PRAMEF4: variants seen among roughly 807,000 people sequenced by gnomAD.
PRAMEF4 encodes the protein PRAME family member 4.
Under a neutral mutation model 34.4 loss-of-function variants are expected in PRAMEF4, and 18 were observed. That is an observed-to-expected ratio of 0.52 (90% CI 0.36 to 0.78). The LOEUF (loss-of-function observed/expected upper bound fraction) is 0.78. Ranked by LOEUF, PRAMEF4 falls within the 30% of genes least tolerant of loss-of-function variation. PRAMEF4 has a pLI of 0.00. For missense variants in PRAMEF4, 482 were observed against 569.1 expected, an observed-to-expected ratio of 0.85 and a Z score of 1.56; for synonymous variants, 156 against 219.3, an observed-to-expected ratio of 0.71 and a Z score of 2.55.
Position 12,883,100 on chromosome 1 carries a change from ACCTGGGACGAACC to A in PRAMEF4, c.282_293+1del. On this transcript the variant is annotated splice_donor_variant and coding_sequence_variant, in exon 2 of 4. Transcript: ENST00000235349. LOFTEE classifies it high-confidence loss of function. The stretch of plus-strand genomic sequence containing the variant: ...CCCACCAGCCCACCTGGGCCACCTC[ACCTGGGACGAACC>A]CCTAGGTTAAGCAGTGCATCCAGCC... 6.2e-7 allele frequency: 1 copy of A among 1,600,390 alleles called. No homozygotes were observed. The highest frequency in any genetic ancestry group is 8.5e-7 in the Non-Finnish European group (1 of 1,173,952).
chr1:12,883,440 A>C, intron 1 of PRAMEF4, 30 bp from the exon 2 acceptor site: 2 of 1,600,576 alleles, frequency 1.2e-6, no homozygotes, highest in Non-Finnish European at 1.7e-6. Context: ...GAGAAAAGGC[A>C]TCTCTCTCGG....
intron 1 of PRAMEF4, among the ~76,000 whole-genome samples, chr1:12,885,044 A>G (rs1329746970): frequency 6.6e-6 from 1 of 150,768 alleles, no homozygotes; most frequent in South Asian, 2.1e-4. Context: ...TTTCAGAGTT[A>G]AAACAGTTTT....
Position 12,882,505 on chromosome 1 carries a change from T to G in PRAMEF4, c.294-70A>C, listed in dbSNP as rs3926745. On this transcript the variant is annotated intron_variant, in intron 2 of 3. Transcript: ENST00000235349. ...CTGAACTTAAACTCCACATCCTGGATAGCAGCTCCTCCCCTCCCTGCTTCT... is the reference window on the plus strand; with the variant it reads ...CTGAACTTAAACTCCACATCCTGGAGAGCAGCTCCTCCCCTCCCTGCTTCT... 1,731 of 1,554,196 alleles carry G rather than the reference T, an allele frequency of 1.1e-3. 40 individuals are homozygous for G. Among genetic ancestry groups the G allele is most frequent in the African/African-American group, 4.0e-3 (289 of 72,266 alleles).
chr1:12,881,905 A>G lies in PRAMEF4; in HGVS notation c.824T>C (p.Leu275Pro). ...QFLKLRCLQK[L>P]YMNSVSFLEG... ...GAGGAAAGAAACAGAGTTCATATAAAGCTTTTGGAGGCAGCGCAGCTTGAG... is the reference window on the plus strand; with the variant it reads ...GAGGAAAGAAACAGAGTTCATATAAGGCTTTTGGAGGCAGCGCAGCTTGAG... Residue 275 changes from leucine to proline, a missense_variant, in exon 3 of 4, where the codon CTT (leucine) becomes CCT (proline). Physicochemically the swap from Leu to Pro is moderately conservative, Grantham distance 98. Coordinates refer to ENST00000235349, the MANE Select transcript of PRAMEF4 (RefSeq NM_001009611.4). 1 of 1,574,164 alleles carries G rather than the reference A, an allele frequency of 6.4e-7. No homozygotes were observed. The highest frequency in any genetic ancestry group is 8.6e-7 in the Non-Finnish European group (1 of 1,162,804).
intron 1 of PRAMEF4, among the ~76,000 whole-genome samples, chr1:12,885,545 C>T: frequency 6.8e-6 from 1 of 148,028 alleles, no homozygotes; most frequent in Non-Finnish European, 1.5e-5. Context: ...CTTTGGGAGG[C>T]CAAGGCAGGT....
rs561288897 is a variant in PRAMEF4 at position 12,885,328 on chromosome 1, T to A, written c.-17+819A>T. 2.3e-4 allele frequency among the ~76,000 whole-genome samples: 34 copies of A among 150,112 alleles called. No individual in the cohort carries two copies. The East Asian group carries it at 6.6e-3, about 29-fold the overall frequency. On this transcript the variant is annotated intron_variant, in intron 1 of 3. Coordinates refer to ENST00000235349, the MANE Select transcript of PRAMEF4 (RefSeq NM_001009611.4). ...TGGGTGGAAGAGGATGTGATTGGTT[T>A]AAAATTAAGGTCAAAGATCCTTTTT...
chr1:12,882,006 G>C lies in PRAMEF4; in HGVS notation c.723C>G (p.Leu241=), dbSNP rs571573206. 7 of 1,591,042 alleles carry C rather than the reference G, an allele frequency of 4.4e-6. 1 individual carries two copies. The South Asian group carries it at 4.4e-5, about 10-fold the overall frequency. The change falls in exon 3 of 4, where the codon CTC becomes CTG. Residue 241 remains leucine, a synonymous_variant. Coordinates refer to ENST00000235349, the MANE Select transcript of PRAMEF4 (RefSeq NM_001009611.4). ...CGTAGCGAGAGACATCCATGTGGGAGAGAATGAGTTTCTGAAGATTCCTCA... is the reference window on the plus strand; with the variant it reads ...CGTAGCGAGAGACATCCATGTGGGACAGAATGAGTTTCTGAAGATTCCTCA... ...GHMRNLQKLI[L]SHMDVSRYVS...
At chr1:12,880,561 G>A (rs1487499391) in intron 3 of PRAMEF4, among the ~76,000 whole-genome samples, 3 of 149,098 alleles carry the variant, frequency 2.0e-5, no homozygotes, top group Non-Finnish European at 4.4e-5. Context: ...GGGTGACAGA[G>A]AGAGACTCTG....
In PRAMEF4 at chr1:12,882,419, C is replaced by G. The variant is rs773359260; in HGVS notation, c.310G>C (p.Val104Leu). The G allele has an allele frequency of 4.4e-6, 7 of 1,587,548 alleles. No homozygotes were observed. The highest frequency in any genetic ancestry group is 4.2e-5 in the African/African-American group (3 of 72,168). The change falls in exon 3 of 4, where the codon GTG (valine) becomes CTG (leucine). Residue 104 changes from valine (V) to leucine (L), a missense_variant. Coordinates refer to ENST00000235349, the MANE Select transcript of PRAMEF4 (RefSeq NM_001009611.4). Reference protein sequence around the residue: ...GVRPRRWKLQVLDLQDVCENF... With the variant: ...GVRPRRWKLQLLDLQDVCENF... ...TCACAGACATCCTGTAAATCCAGCACTTGAAGTTTCCACCTCCTGTGGGAA... is the reference window on the plus strand; with the variant it reads ...TCACAGACATCCTGTAAATCCAGCAGTTGAAGTTTCCACCTCCTGTGGGAA...
At chr1:12,886,045 G>A (rs1185800184) in intron 1 of PRAMEF4, 102 bp downstream of exon 1, 1 of 82,384 alleles carries the variant, frequency 1.2e-5, no homozygotes, top group African/African-American at 5.6e-5. Flanking sequence ...AAAAAAAAAG[G>A]ACAGGATATA....
chr1:12,881,141 G>A (rs1196312373), intron 3 of PRAMEF4, among the ~76,000 whole-genome samples: 1 of 148,128 alleles, frequency 6.8e-6, no homozygotes, highest in Non-Finnish European at 1.5e-5. Flanking sequence ...CATGGTGGGT[G>A]GATCACCTGA....
At chr1:12,884,266 C>A (rs558081442) in intron 1 of PRAMEF4, among the ~76,000 whole-genome samples, 1 of 148,848 alleles carries the variant, frequency 6.7e-6, no homozygotes, top group East Asian at 2.0e-4. Context: ...ATCTACCCCT[C>A]TTGGCCTCCC....
rs1359494433 is a variant in PRAMEF4 at position 12,881,497 on chromosome 1, A to C, written c.875+357T>G. Among the ~76,000 whole-genome samples the C allele has an allele frequency of 1.6e-4, 24 of 147,860 alleles. 1 individual carries two copies. The highest frequency in any genetic ancestry group is 8.7e-4 in the South Asian group (4 of 4,606). On this transcript the variant is annotated intron_variant, in intron 3 of 3. Coordinates refer to ENST00000235349, the MANE Select transcript of PRAMEF4 (RefSeq NM_001009611.4). ...CCTCTTGCCTCAGACTCCCAAAGTGATAGGATTACAGGCATGAGCCACCGC... is the reference window on the plus strand; with the variant it reads ...CCTCTTGCCTCAGACTCCCAAAGTGCTAGGATTACAGGCATGAGCCACCGC...
At chr1:12,883,671 T>C (rs1195393922) in intron 1 of PRAMEF4, among the ~76,000 whole-genome samples, 3 of 147,538 alleles carry the variant, frequency 2.0e-5, no homozygotes, top group Non-Finnish European at 3.0e-5. Flanking sequence ...GACTAGTGAG[T>C]GTGGAGGAAC....
intron 1 of PRAMEF4, among the ~76,000 whole-genome samples, chr1:12,885,165 C>A (rs1457364018): frequency 6.6e-6 from 1 of 150,452 alleles, no homozygotes; most frequent in Non-Finnish European, 1.5e-5. Context: ...AGTCTCACTT[C>A]GTCGCCCAGG....
chr1:12,884,526 C>T (rs1640957737), intron 1 of PRAMEF4, among the ~76,000 whole-genome samples: 1 of 147,562 alleles, frequency 6.8e-6, no homozygotes, highest in African/African-American at 2.5e-5. Context: ...ACGAGCCTGG[C>T]CAACATGGTA....
chr1:12,885,948 C>A (rs1292144324), intron 1 of PRAMEF4, among the ~76,000 whole-genome samples, 199 bp downstream of exon 1: 1 of 88,386 alleles, frequency 1.1e-5, no homozygotes, highest in Non-Finnish European at 2.1e-5. Context: ...ATGGCATCAA[C>A]CAAAGCACAA....
At chr1:12,885,266 A>T (rs1640979304) in intron 1 of PRAMEF4, among the ~76,000 whole-genome samples, 1 of 149,806 alleles carries the variant, frequency 6.7e-6, no homozygotes, top group Non-Finnish European at 1.5e-5. Flanking sequence ...CATAGCTGGG[A>T]CTACAGGCAT....
chr1:12,884,993 T>G (rs578002751), intron 1 of PRAMEF4, among the ~76,000 whole-genome samples: 2 of 150,042 alleles, frequency 1.3e-5, no homozygotes, highest in Non-Finnish European at 3.0e-5. Flanking sequence ...TGAAAGTATC[T>G]TTGTTGAGGG....
Sources: allele counts gnomAD v4.1 joint callset (sites outside exome capture counted in the v4.1 genomes callset), GRCh38; gene constraint gnomAD v4.1.1; transcripts MANE v1.5; gene names NCBI Gene and HGNC (gene_info 2026-07-23, HGNC 2026-07-21).